C13orf42: variants seen among roughly 807,000 people sequenced by gnomAD.
The protein encoded by C13orf42 is chromosome 13 open reading frame 42.
At chr13:51,094,357 C>A (rs181749480) in intron 1 of C13orf42, among the ~76,000 whole-genome samples, 124 of 152,282 alleles carry the variant, frequency 8.1e-4, no homozygotes, top group African/African-American at 2.9e-3. Context: ...ATAAAAAAAT[C>A]TTGAGTTCAT....
intron 1 of C13orf42, among the ~76,000 whole-genome samples, chr13:51,088,594 T>C (rs549284691): frequency 6.6e-6 from 1 of 152,314 alleles, no homozygotes; most frequent in East Asian, 1.9e-4. Context: ...AGGGGATGGA[T>C]ACCATGTTTT....
At chr13:51,094,054 C>A (rs1953208431) in intron 1 of C13orf42, among the ~76,000 whole-genome samples, 1 of 152,132 alleles carries the variant, frequency 6.6e-6, no homozygotes, top group Admixed American at 6.6e-5. Flanking sequence ...CTCACACTGT[C>A]CTGCATTTTG....
At chr13:51,114,902 G>C (rs541732289), upstream of C13orf42, among the ~76,000 whole-genome samples, 5 of 152,290 alleles carry the variant, frequency 3.3e-5, no homozygotes, top group African/African-American at 4.8e-5. Context: ...CAAAAAAGGA[G>C]GGAGATGGAT....
At chr13:51,125,446 C>T (rs1953569134) in intron 1 of C13orf42, among the ~76,000 whole-genome samples, 1 of 152,080 alleles carries the variant, frequency 6.6e-6, no homozygotes, top group East Asian at 1.9e-4. Flanking sequence ...ATATTTTATC[C>T]CTACACTTTT....
In C13orf42 at chr13:51,138,451, G is replaced by A. The variant is rs564852701; in HGVS notation, n.137-25229C>T. Among the ~76,000 whole-genome samples the A allele has an allele frequency of 2.0e-5, 3 of 152,098 alleles. No homozygotes were observed. The South Asian group carries it at 6.2e-4, about 32-fold the overall frequency. The stretch of plus-strand genomic sequence containing the variant: ...ATTAGTCAAAAGAAGACATGCATAT[G>A]ACCAATGGGTATCTGAAAAGATGTC... On this transcript the variant is annotated intron_variant and non_coding_transcript_variant, in intron 1 of 4. Coordinates refer to the C13orf42 transcript ENST00000433280.
At position 51,083,346 on chromosome 13, in the gene C13orf42, C is replaced by T. The variant is rs1953085353; in HGVS notation, c.*805G>A. 1 of 152,176 alleles carries T rather than the reference C, an allele frequency of 6.6e-6. No individual in the cohort carries two copies. Among genetic ancestry groups the T allele is most frequent in the South Asian group, 2.1e-4 (1 of 4,824 alleles). 9.4% of individuals were successfully genotyped at this position (152,176 alleles called of 1,614,324 possible). A position where few individuals can be genotyped will look rare whatever the true frequency, so the allele number is the denominator to read the frequency against. On this transcript the variant is annotated 3_prime_UTR_variant, in exon 4 of 4. Transcript: ENST00000563710. The stretch of plus-strand genomic sequence containing the variant: ...AAAGAACGTAATGATTCTGATTGTT[C>T]TCTTAACTGGGGAAAGGGAAAGGTG...
intron 1 of C13orf42, among the ~76,000 whole-genome samples, chr13:51,147,528 G>C (rs1478276738): frequency 6.6e-6 from 1 of 152,160 alleles, no homozygotes; most frequent in African/African-American, 2.4e-5. Flanking sequence ...TCAGGAGTTC[G>C]AGACGAGCCT....
intron 2 of C13orf42, among the ~76,000 whole-genome samples, 165 bp downstream of exon 2, chr13:51,087,763 G>A (rs1474144200): frequency 6.6e-6 from 1 of 152,180 alleles, no homozygotes; most frequent in Non-Finnish European, 1.5e-5. Context: ...ATGGGCTCAG[G>A]GCCAGGCTCC....
At chr13:51,123,943 C>A (rs1194535601) in intron 1 of C13orf42, among the ~76,000 whole-genome samples, 1 of 152,186 alleles carries the variant, frequency 6.6e-6, no homozygotes, top group Non-Finnish European at 1.5e-5. Flanking sequence ...GAAAAGCTAC[C>A]AGCCACCAAG....
chr13:51,096,381 T>G (rs999221057), intron 1 of C13orf42, among the ~76,000 whole-genome samples: 3 of 152,186 alleles, frequency 2.0e-5, no homozygotes, highest in Non-Finnish European at 2.9e-5. Flanking sequence ...GCCTTCTCCA[T>G]GGCCTTGTAA....
intron 1 of C13orf42, among the ~76,000 whole-genome samples, chr13:51,089,288 A>C (rs1465287123): frequency 3.3e-5 from 5 of 152,160 alleles, no homozygotes; most frequent in Non-Finnish European, 7.4e-5. Flanking sequence ...ATATCAAAGG[A>C]AAGCTCTAAG....
rs187109607 is a variant in C13orf42 at position 51,090,471 on chromosome 13, T to C, written c.415-2396A>G. ...CTGAGGAAGGATGGGTATTATTTAA[T>C]AGTAATGCAAGGTCCATGGTGGTTT... On this transcript the variant is annotated intron_variant, in intron 1 of 3. Transcript: ENST00000563710. Among the ~76,000 whole-genome samples the C allele has an allele frequency of 5.0e-4, 76 of 152,222 alleles. 1 individual carries two copies. The highest frequency in any genetic ancestry group is 1.7e-3 in the African/African-American group (72 of 41,540).
chr13:51,168,655 C>T (rs1010941366), intron 1 of C13orf42, among the ~76,000 whole-genome samples: 3 of 152,220 alleles, frequency 2.0e-5, no homozygotes, highest in African/African-American at 7.2e-5. Context: ...AGCCATCCTA[C>T]CAATCCTGGG....
At chr13:51,153,630 CTTTTTTTT>C (rs1206289963) in intron 1 of C13orf42, among the ~76,000 whole-genome samples, 120 of 81,248 alleles carry the variant, frequency 1.5e-3, no homozygotes, top group Non-Finnish European at 2.1e-3. Flanking sequence ...TGTTTTTTTT[CTTTTTTTT>C]TTTTTTTTTT....
intron 1 of C13orf42, among the ~76,000 whole-genome samples, chr13:51,164,544 T>C (rs1566143674): frequency 1.3e-5 from 2 of 152,062 alleles, no homozygotes. Context: ...CCTATAGTCC[T>C]AGCTATTCAG....
chr13:51,110,048 C>T lies in C13orf42; in HGVS notation c.414+748G>A, dbSNP rs181488761. 3.0e-3 allele frequency among the ~76,000 whole-genome samples: 459 copies of T among 152,252 alleles called. 1 individual carries two copies. The highest frequency in any genetic ancestry group is 0.011 in the African/African-American group (437 of 41,538). On this transcript the variant is annotated intron_variant, in intron 1 of 3. Coordinates refer to ENST00000563710, the MANE Select transcript of C13orf42 (RefSeq NM_001351589.3). ...GAGACCTCCAGTGCCCAAAGCCATC[C>T]GGGAATCTCCCAAGAGACACAGACT...
intron 3 of C13orf42, 39 bp downstream of exon 3, chr13:51,085,280 G>T: frequency 2.5e-6 from 1 of 397,234 alleles, no homozygotes; most frequent in South Asian, 1.3e-4. Flanking sequence ...TGGAGGCCAC[G>T]AGAACATCTT....
At chr13:51,103,511 G>A (rs1953315287) in intron 1 of C13orf42, among the ~76,000 whole-genome samples, 1 of 152,060 alleles carries the variant, frequency 6.6e-6, no homozygotes, top group Non-Finnish European at 1.5e-5. Flanking sequence ...GACCAGCCTG[G>A]CCAACATAGT....
At chr13:51,163,515 C>T (rs1402776375) in intron 1 of C13orf42, among the ~76,000 whole-genome samples, 1 of 152,136 alleles carries the variant, frequency 6.6e-6, no homozygotes, top group African/African-American at 2.4e-5. Context: ...GACAGAAAAA[C>T]CACTACTGTT....
Sources: gnomAD v4.1 joint callset for allele counts (sites outside exome capture counted in the v4.1 genomes callset) on GRCh38, gnomAD v4.1.1 for gene constraint, MANE v1.5 for transcripts, NCBI Gene and HGNC (gene_info 2026-07-23, HGNC 2026-07-21) for gene names.